The following SH2D3C variants were observed in gnomAD, a reference collection of about 807,000 sequenced individuals.
SH2D3C encodes the protein SH2 domain-containing protein 3C.
In SH2D3C, 25 loss-of-function variants were observed where a neutral mutation model predicts 75.2. The ratio of observed to expected loss-of-function variants is 0.33; its 90% confidence interval spans 0.24 to 0.46. SH2D3C has a LOEUF of 0.46. Among genes scored for constraint, SH2D3C ranks in the 20% least tolerant of loss-of-function variants. The pLI, the probability that SH2D3C is intolerant of heterozygous loss-of-function variation, is 1.00. For missense variants in SH2D3C, 933 were observed against 1,165.3 expected (o/e 0.80, Z 2.90); for synonymous variants, 450 against 473.7 (o/e 0.95, Z 0.65).
Position 127,745,014 on chromosome 9 carries a change from C to A in SH2D3C, c.1350G>T (p.Gln450His). 6.6e-7 allele frequency: 1 copy of A among 1,515,402 alleles called. No homozygotes were observed. Among genetic ancestry groups the A allele is most frequent in the East Asian group, 2.3e-5 (1 of 43,930 alleles). 93.9% of individuals were successfully genotyped at this position (1,515,402 alleles called of 1,614,324 possible). A position where few individuals can be genotyped will look rare whatever the true frequency, so the allele number is the denominator to read the frequency against. Residue 450 changes from glutamine to histidine, a missense_variant, in exon 7 of 12, where the codon CAG becomes CAT. Physicochemically the swap from Gln to His is conservative, Grantham distance 24 (BLOSUM62 0). Transcript: ENST00000314830. ...TCTTTGGGGCACTTCCGGGACACAG[C>A]TGGGGCTCACTGGAACGGCGGGCGA... ...SPVARRSSEP[Q>H]LCPGSAPKTH...
In SH2D3C at chr9:127,749,561, C is replaced by T; in HGVS notation, c.789G>A (p.Leu263=). The part of the protein sequence containing the change: ...VLTCRWRNQA[L]HFKINKVVVK... ...CCACCACCTTGTTGATCTTGAAGTGCAAGGCCTGGTTGCGCCAGCGGCACG... is the reference window on the plus strand; with the variant it reads ...CCACCACCTTGTTGATCTTGAAGTGTAAGGCCTGGTTGCGCCAGCGGCACG... The change falls in exon 5 of 12, where the codon TTG becomes TTA. Residue 263 remains leucine, a synonymous_variant. Transcript: ENST00000314830. The surrounding 1 kb of genome is among the most constrained non-coding windows in gnomAD (Gnocchi z 5.9). The T allele has an allele frequency of 1.2e-6, 2 of 1,612,958 alleles. No homozygotes were observed. Among genetic ancestry groups the T allele is most frequent in the Non-Finnish European group, 1.7e-6 (2 of 1,179,476 alleles).
In SH2D3C at chr9:127,744,924, C is replaced by A. The variant is rs199821667; in HGVS notation, c.1440G>T (p.Pro480=). The change falls in exon 7 of 12, where the codon CCG becomes CCT. Residue 480 remains proline, a synonymous_variant. Coordinates refer to ENST00000314830, the MANE Select transcript of SH2D3C (RefSeq NM_170600.3). ...SPSHTLGKAS[P]SPSLSSYSDP... ...CACTGTAGCTGCTGAGTGATGGTGACGGGGAGGCCTTGCCAAGGGTGTGGG... is the reference window on the plus strand; with the variant it reads ...CACTGTAGCTGCTGAGTGATGGTGAAGGGGAGGCCTTGCCAAGGGTGTGGG... 1.8e-5 allele frequency: 29 copies of A among 1,598,498 alleles called. No homozygotes were observed. In the African/African-American group the frequency reaches 3.9e-4, roughly 21 times the overall value.
chr9:127,774,405 G>A lies in SH2D3C; in HGVS notation c.100C>T (p.Arg34Ter), dbSNP rs370538234. The part of the protein sequence containing the change: ...SNLPRSFTLR[R>*]SSASISRQSH... ...TGCCTACTGATGGAAGCTGAGGATC[G>A]TCTCAGAGTGAAGGACCGAGGGAGG... The change falls in exon 2 of 12, where the codon CGA becomes TGA. Residue 34 changes from arginine to a stop codon, truncating the protein, a stop_gained. Coordinates refer to ENST00000314830, the MANE Select transcript of SH2D3C (RefSeq NM_170600.3). LOFTEE classifies it high-confidence loss of function. The surrounding 1 kb of genome is among the most constrained non-coding windows in gnomAD (Gnocchi z 4.3). 3.2e-5 allele frequency: 51 copies of A among 1,613,408 alleles called. No individual in the cohort carries two copies. The highest frequency in any genetic ancestry group is 1.8e-4 in the East Asian group (8 of 44,900).
At position 127,741,923 on chromosome 9, in the gene SH2D3C, G is replaced by C; in HGVS notation, c.1953C>G (p.Ile651Met). The C allele has an allele frequency of 1.9e-6, 3 of 1,612,868 alleles. No homozygotes were observed. Among genetic ancestry groups the C allele is most frequent in the Non-Finnish European group, 2.5e-6 (3 of 1,179,922 alleles). ...HTMSIMLAVD[I>M]LGCTGSAEER... ...CCTCCGCAGAGCCGGTGCAGCCCAG[G>C]ATGTCCACGGCCAGCATGATGGACA... Residue 651 changes from isoleucine (I) to methionine (M), a missense_variant, in exon 9 of 12, where the codon ATC becomes ATG. Physicochemically the swap from Ile to Met is conservative, Grantham distance 10. Coordinates refer to ENST00000314830, the MANE Select transcript of SH2D3C (RefSeq NM_170600.3).
At chr9:127,768,307 G>A (rs546861464) in intron 2 of SH2D3C, among the ~76,000 whole-genome samples, 21 of 152,262 alleles carry the variant, frequency 1.4e-4, no homozygotes, top group South Asian at 1.0e-3. Flanking sequence ...TGGAGTGGTG[G>A]GGGGAGTATC....
intron 2 of SH2D3C, among the ~76,000 whole-genome samples, chr9:127,768,327 T>C (rs1272406844): frequency 4.6e-5 from 7 of 152,132 alleles, no homozygotes; most frequent in African/African-American, 1.7e-4. Context: ...CCTGGCCTGT[T>C]TTCAGTGCCT....
rs2131747232 is a variant in SH2D3C at position 127,747,226 on chromosome 9, G to A, written c.1185C>T (p.Leu395=). 6.2e-7 allele frequency: 1 copy of A among 1,613,898 alleles called. No individual in the cohort carries two copies. The highest frequency in any genetic ancestry group is 1.1e-5 in the South Asian group (1 of 91,086). ...RPRDSIRSCA[L]SMDQIPDLHS... Reference sequence around the variant, plus strand: ...GCAGGTCTGGGATCTGGTCCATGCTGAGGGCACAGCTGCGGATGGAGTCCC... The same window carrying A: ...GCAGGTCTGGGATCTGGTCCATGCTAAGGGCACAGCTGCGGATGGAGTCCC... The change falls in exon 6 of 12, where the codon CTC becomes CTT. Residue 395 remains leucine (L), a synonymous_variant. Transcript: ENST00000314830.
chr9:127,755,021 C>T (rs1039594554), intron 3 of SH2D3C: 33 of 860,962 alleles, frequency 3.8e-5, no homozygotes, highest in Non-Finnish European at 4.6e-5. Flanking sequence ...GGGCCCCGGG[C>T]GGAGCGGCCG....
At chr9:127,770,363 C>T (rs1371061225) in intron 2 of SH2D3C, among the ~76,000 whole-genome samples, 1 of 152,176 alleles carries the variant, frequency 6.6e-6, no homozygotes, top group African/African-American at 2.4e-5. Flanking sequence ...AGGAACAGGG[C>T]CCCCGAACTT....
At chr9:127,771,386 C>CTA in intron 2 of SH2D3C, 1 of 1,331,866 alleles carries the variant, frequency 7.5e-7, no homozygotes, top group African/African-American at 1.5e-5. Context: ...CGCTCCTTGC[C>CTA]CGGCCCCACT....
Position 127,760,005 on chromosome 9 carries a change from T to G in SH2D3C, c.555+1606A>C, listed in dbSNP as rs941531089. 3.3e-5 allele frequency among the ~76,000 whole-genome samples: 5 copies of G among 151,924 alleles called. No homozygotes were observed. The East Asian group carries it at 7.7e-4, about 23-fold the overall frequency. On this transcript the variant is annotated intron_variant, in intron 3 of 11. Transcript: ENST00000314830. ...CTCAAAAAAAAAAAAAAATTTTTTTTTTTTTAAATTAGCAGTGGCACACAC... is the reference window on the plus strand; with the variant it reads ...CTCAAAAAAAAAAAAAAATTTTTTTGTTTTTAAATTAGCAGTGGCACACAC...
In SH2D3C at chr9:127,774,276, T is replaced by A; in HGVS notation, c.229A>T (p.Met77Leu). ...YARSSDMYSH[M>L]GTMPRPSIKK... ...ATGCTGGGGCGAGGCATGGTGCCCA[T>A]GTGGCTGTACATGTCACTGGAGCGG... Residue 77 changes from methionine to leucine, a missense_variant, in exon 2 of 12, where the codon ATG becomes TTG. Met to Leu is a conservative substitution (Grantham distance 15). Transcript: ENST00000314830. This position sits in a 1 kb window ranked among gnomAD's most constrained non-coding sequence, Gnocchi z 4.3. 1 of 1,614,086 alleles carries A rather than the reference T, an allele frequency of 6.2e-7. No homozygotes were observed. The highest frequency in any genetic ancestry group is 8.5e-7 in the Non-Finnish European group (1 of 1,180,008).
In SH2D3C at chr9:127,738,489, C is replaced by A. The variant is rs1436452567; in HGVS notation, c.*257G>T. On this transcript the variant is annotated 3_prime_UTR_variant, in exon 12 of 12. Coordinates refer to ENST00000314830, the MANE Select transcript of SH2D3C (RefSeq NM_170600.3). This position sits in a 1 kb window ranked among gnomAD's most constrained non-coding sequence, Gnocchi z 5.0. Reference sequence around the variant, plus strand: ...CCCATGGCTCGAAAACAGGGAACCCCAGCAGGAAGGGGAGCAGCAAAAGCT... The same window carrying A: ...CCCATGGCTCGAAAACAGGGAACCCAAGCAGGAAGGGGAGCAGCAAAAGCT... The A allele has an allele frequency of 1.1e-5, 4 of 351,486 alleles. No individual in the cohort carries two copies. The highest frequency in any genetic ancestry group is 2.1e-5 in the Non-Finnish European group (4 of 193,250). The allele number at this position is 351,486 out of a possible 1,614,324, so 21.8% of individuals were successfully genotyped here.
At chr9:127,761,690 T>C in intron 2 of SH2D3C, 40 bp from the exon 3 acceptor site, 1 of 1,584,826 alleles carries the variant, frequency 6.3e-7, no homozygotes, top group Non-Finnish European at 8.6e-7. Flanking sequence ...CCAGCCCTGC[T>C]TGGCTCCCCA....
At chr9:127,750,213 G>T (rs1845160630) in intron 4 of SH2D3C, among the ~76,000 whole-genome samples, 1 of 151,810 alleles carries the variant, frequency 6.6e-6, no homozygotes, top group Admixed American at 6.6e-5. Flanking sequence ...CCAGGCTGGA[G>T]TGAGGTGGCA....
rs1372348878 is a variant in SH2D3C at position 127,774,176 on chromosome 9, C to A, written c.329G>T (p.Gly110Val). 6.2e-7 allele frequency: 1 copy of A among 1,613,880 alleles called. No homozygotes were observed. The highest frequency in any genetic ancestry group is 8.5e-7 in the Non-Finnish European group (1 of 1,179,982). Reference protein sequence around the residue: ...AGPKPNLVPGGVPDPPGLEAA... With the variant: ...AGPKPNLVPGVVPDPPGLEAA... Reference sequence around the variant, plus strand: ...CTCCAAGCCTGGGGGGTCGGGTACACCTCCGGGTACCAAGTTGGGCTTGGG... The same window carrying A: ...CTCCAAGCCTGGGGGGTCGGGTACAACTCCGGGTACCAAGTTGGGCTTGGG... Residue 110 changes from glycine (G) to valine (V), a missense_variant, in exon 2 of 12, where the codon GGT becomes GTT. By Grantham distance (109) the Gly-to-Val change is moderately radical (BLOSUM62 -3). Coordinates refer to ENST00000314830, the MANE Select transcript of SH2D3C (RefSeq NM_170600.3). This position sits in a 1 kb window ranked among gnomAD's most constrained non-coding sequence, Gnocchi z 4.3.
At chr9:127,746,877 G>A (rs1284417946) in intron 6 of SH2D3C, among the ~76,000 whole-genome samples, 1 of 152,238 alleles carries the variant, frequency 6.6e-6, no homozygotes, top group African/African-American at 2.4e-5. Context: ...GGCGGAGGTT[G>A]CAGTGAGCCA....
intron 9 of SH2D3C, among the ~76,000 whole-genome samples, chr9:127,741,198 C>T (rs1390143010): frequency 6.6e-6 from 1 of 151,814 alleles, no homozygotes; most frequent in Non-Finnish European, 1.5e-5. Context: ...AGCACCTAGC[C>T]TATAGGAAAT....
intron 2 of SH2D3C, among the ~76,000 whole-genome samples, chr9:127,763,092 C>T (rs1460096771): frequency 2.6e-5 from 4 of 152,200 alleles, no homozygotes; most frequent in East Asian, 1.9e-4. Flanking sequence ...ACAGGGCCTT[C>T]GCACTTGCTG....
Sources: gnomAD v4.1 joint callset for allele counts (sites outside exome capture counted in the v4.1 genomes callset) on GRCh38, gnomAD v4.1.1 for gene constraint, Gnocchi (gnomAD v3.1) non-coding constraint, MANE v1.5 for transcripts, NCBI Gene and HGNC (gene_info 2026-07-23, HGNC 2026-07-21) for gene names.